PPP2R2B: variants seen among roughly 807,000 people sequenced by gnomAD.
PPP2R2B encodes serine/threonine-protein phosphatase 2A 55 kDa regulatory subunit B beta isoform.
PPP2R2B carries 5 observed loss-of-function variants against 46.0 expected under a neutral mutation model. The ratio of observed to expected loss-of-function variants is 0.11; its 90% CI spans 0.06 to 0.23. The LOEUF (loss-of-function observed/expected upper bound fraction) is 0.23. Among genes scored for constraint, PPP2R2B ranks in the 10% least tolerant of loss-of-function variants. The pLI, the probability that PPP2R2B is intolerant of heterozygous loss-of-function variation, is 1.00. For synonymous variants in PPP2R2B, 215 were observed against 206.7 expected, an observed-to-expected ratio of 1.04 and a Z score of -0.34; for missense variants, 367 against 575.0, an observed-to-expected ratio of 0.64 and a Z score of 3.70.
chr5:146,715,599 T>C (rs1186421983), intron 2 of PPP2R2B, among the ~76,000 whole-genome samples: 1 of 152,184 alleles, frequency 6.6e-6, no homozygotes, highest in African/African-American at 2.4e-5. Context: ...TCAAACTCCA[T>C]GAGTTTTAGT....
In PPP2R2B at chr5:146,636,216, T is replaced by A. The variant is rs116639821; in HGVS notation, c.790+2035A>T. Among the ~76,000 whole-genome samples the A allele has an allele frequency of 3.2e-3, 490 of 152,212 alleles. 4 individuals are homozygous for A. The highest frequency in any genetic ancestry group is 0.011 in the African/African-American group (471 of 41,536). On this transcript the variant is annotated intron_variant, in intron 7 of 9. Coordinates refer to ENST00000394411, the MANE Select transcript of PPP2R2B (RefSeq NM_181675.4). ...CCTCCCACATACTAGAAACTGTGCTTCTCCAACCGGGGTACCTGTATATAT... is the reference window on the plus strand; with the variant it reads ...CCTCCCACATACTAGAAACTGTGCTACTCCAACCGGGGTACCTGTATATAT...
intron 2 of PPP2R2B, among the ~76,000 whole-genome samples, chr5:146,723,172 T>G (rs1751634804): frequency 6.6e-6 from 1 of 152,188 alleles, no homozygotes; most frequent in African/African-American, 2.4e-5. Flanking sequence ...TGGTTACCAC[T>G]ATATTCCCAG....
chr5:146,652,010 C>G (rs1775993047), intron 5 of PPP2R2B, among the ~76,000 whole-genome samples: 1 of 152,100 alleles, frequency 6.6e-6, no homozygotes. Flanking sequence ...ACCCAGAAAC[C>G]ACAGGTGACT....
At chr5:146,601,261 C>G (rs1771756506) in intron 7 of PPP2R2B, among the ~76,000 whole-genome samples, 1 of 152,052 alleles carries the variant, frequency 6.6e-6, no homozygotes, top group Non-Finnish European at 1.5e-5. Context: ...AAGTTTTTGT[C>G]TGGTCATATG....
At chr5:146,637,970 A>C (rs1347749366) in intron 7 of PPP2R2B, among the ~76,000 whole-genome samples, 2 of 152,216 alleles carry the variant, frequency 1.3e-5, no homozygotes, top group Non-Finnish European at 2.9e-5. Flanking sequence ...CATGGCAGCA[A>C]GCATGATTTC....
intron 2 of PPP2R2B, among the ~76,000 whole-genome samples, chr5:146,702,148 G>C (rs901859285): frequency 1.3e-5 from 2 of 151,646 alleles, no homozygotes; most frequent in Non-Finnish European, 2.9e-5. Flanking sequence ...GGAAAGCAAA[G>C]GGGAAACAGT....
intron 5 of PPP2R2B, among the ~76,000 whole-genome samples, chr5:146,655,414 C>A (rs945571835): frequency 2.6e-5 from 4 of 151,710 alleles, no homozygotes; most frequent in Admixed American, 1.3e-4. Flanking sequence ...CTCAGGGAGG[C>A]CTTCCGTGAC....
Position 146,761,703 on chromosome 5 carries a change from T to C in PPP2R2B, c.71-60561A>G, listed in dbSNP as rs555034158. On this transcript the variant is annotated intron_variant, in intron 2 of 9. Coordinates refer to ENST00000394411, the MANE Select transcript of PPP2R2B (RefSeq NM_181675.4). ...TAGTCAGATTGCCTGAGCTGAAATT[T>C]TGGCCATGTCTCATTTCTTTTTTAA... is the stretch of plus-strand genomic sequence containing the variant. Among the ~76,000 whole-genome samples the C allele has an allele frequency of 2.0e-5, 3 of 152,342 alleles. No individual in the cohort carries two copies. The South Asian group carries it at 6.2e-4, about 32-fold the overall frequency.
intron 1 of PPP2R2B, among the ~76,000 whole-genome samples, chr5:147,033,603 AC>A (rs1212126398): frequency 1.3e-5 from 2 of 152,052 alleles, no homozygotes; most frequent in Non-Finnish European, 2.9e-5. Context: ...TGGGATGGAG[AC>A]AGATGGTGGG....
intron 5 of PPP2R2B, among the ~76,000 whole-genome samples, chr5:146,665,837 T>G (rs930979354): frequency 2.6e-5 from 4 of 152,160 alleles, no homozygotes; most frequent in Non-Finnish European, 5.9e-5. Flanking sequence ...ACAAGGATAA[T>G]AATGAAAACA....
intron 2 of PPP2R2B, among the ~76,000 whole-genome samples, chr5:146,815,654 C>T (rs189673175): frequency 6.6e-6 from 1 of 152,332 alleles, no homozygotes; most frequent in East Asian, 1.9e-4. Flanking sequence ...GCTGGACAGA[C>T]CCTTTTACTG....
At chr5:146,619,302 TAAA>T (rs34725004) in intron 7 of PPP2R2B, among the ~76,000 whole-genome samples, 4 of 112,890 alleles carry the variant, frequency 3.5e-5, no homozygotes, top group Admixed American at 9.3e-5. Context: ...CCGTCTCTAC[TAAA>T]AAAAAAAAAA....
At chr5:146,971,396 C>T (rs1008555449) in intron 1 of PPP2R2B, among the ~76,000 whole-genome samples, 20 of 152,186 alleles carry the variant, frequency 1.3e-4, no homozygotes, top group Admixed American at 7.2e-4. Context: ...GTACTATCCA[C>T]TCTAGGGCAT....
chr5:146,939,607 G>A (rs1348587874), intron 1 of PPP2R2B, among the ~76,000 whole-genome samples: 2 of 152,176 alleles, frequency 1.3e-5, no homozygotes, highest in African/African-American at 4.8e-5. Flanking sequence ...ATGCAACACT[G>A]ACTATATCTA....
At chr5:146,970,369 G>C (rs1752610895) in intron 1 of PPP2R2B, among the ~76,000 whole-genome samples, 1 of 152,020 alleles carries the variant, frequency 6.6e-6, no homozygotes, top group Admixed American at 6.6e-5. Flanking sequence ...GGGAGGCCGA[G>C]GCGGGCGGAT....
chr5:146,700,128 A>G lies in PPP2R2B; in HGVS notation c.168+917T>C, dbSNP rs546930630. ...CTTTTTTGAGGGGAGGTGTACTGCAAGTGGCTTTGAGGCACAAAGCAGGCT... is the reference window on the plus strand; with the variant it reads ...CTTTTTTGAGGGGAGGTGTACTGCAGGTGGCTTTGAGGCACAAAGCAGGCT... On this transcript the variant is annotated intron_variant, in intron 3 of 9. Transcript: ENST00000394411. Among the ~76,000 whole-genome samples, 13 of 152,242 alleles carry G rather than the reference A, an allele frequency of 8.5e-5. 1 individual carries two copies. The South Asian group carries it at 2.7e-3, about 32-fold the overall frequency.
chr5:146,687,380 T>C (rs1389359046), intron 5 of PPP2R2B, among the ~76,000 whole-genome samples: 2 of 152,082 alleles, frequency 1.3e-5, no homozygotes, highest in African/African-American at 2.4e-5. Flanking sequence ...GGTATTCTAC[T>C]TAACTGCTTG....
chr5:146,698,124 A>C lies in PPP2R2B; in HGVS notation c.189T>G (p.Arg63=). ...REQESKNQVH[R]RGEYNVYSTF... ...TGCTGTAAACATTGTATTCACCCCT[A>C]CGATGAACCTGATTTTTACTCTGTA... is the stretch of plus-strand genomic sequence containing the variant. The change falls in exon 4 of 10, where the codon CGT becomes CGG. Residue 63 remains arginine, a synonymous_variant. Coordinates refer to ENST00000394411, the MANE Select transcript of PPP2R2B (RefSeq NM_181675.4). 6.3e-7 allele frequency: 1 copy of C among 1,598,772 alleles called. No individual in the cohort carries two copies. The highest frequency in any genetic ancestry group is 8.5e-7 in the Non-Finnish European group (1 of 1,175,006).
chr5:146,712,204 C>T (rs967746638), intron 2 of PPP2R2B, among the ~76,000 whole-genome samples: 2 of 152,162 alleles, frequency 1.3e-5, no homozygotes, highest in Admixed American at 6.5e-5. Flanking sequence ...TAGAAACAAG[C>T]GTGCCAGTTA....
Sources: gnomAD v4.1 joint callset for allele counts (sites outside exome capture counted in the v4.1 genomes callset) on GRCh38, gnomAD v4.1.1 for gene constraint, MANE v1.5 for transcripts, NCBI Gene and HGNC (gene_info 2026-07-23, HGNC 2026-07-21) for gene names.